Variants in SPATA16 observed in about 807,000 individuals in gnomAD.
SPATA16 encodes spermatogenesis associated 16, also known as spermatogenesis-associated protein 16.
Under a neutral mutation model 63.3 loss-of-function variants are expected in SPATA16, and 36 were observed. That is an observed-to-expected ratio of 0.57 (90% confidence interval 0.44 to 0.75). The LOEUF (loss-of-function observed/expected upper bound fraction) is 0.75. Among genes scored for constraint, SPATA16 ranks in the 30% least tolerant of loss-of-function variants. The probability of loss-of-function intolerance (pLI) is 0.00; values close to 1 mark genes in which losing one functional copy is unlikely to be tolerated. For missense variants in SPATA16, 646 were observed against 679.3 expected, an observed-to-expected ratio of 0.95 and a Z score of 0.54; for synonymous variants, 203 against 216.7, an observed-to-expected ratio of 0.94 and a Z score of 0.56.
chr3:172,984,125 T>TA (rs1428728716), intron 4 of SPATA16, among the ~76,000 whole-genome samples: 4 of 152,190 alleles, frequency 2.6e-5, no homozygotes, highest in African/African-American at 9.7e-5. Context: ...TTAAATGAAT[T>TA]AAAATTAAAA....
chr3:172,917,135 G>A (rs1473284278), intron 8 of SPATA16, among the ~76,000 whole-genome samples: 13 of 152,094 alleles, frequency 8.5e-5, no homozygotes, highest in Admixed American at 8.5e-4. Flanking sequence ...AACTCCCATG[G>A]CATTTTGGGC....
intron 4 of SPATA16, among the ~76,000 whole-genome samples, chr3:172,993,470 G>A (rs1225954468): frequency 6.6e-6 from 1 of 152,042 alleles, no homozygotes; most frequent in African/African-American, 2.4e-5. Context: ...GAGGGCCAAG[G>A]AAGAGTTTGT....
chr3:173,019,863 A>G (rs1240528253), intron 3 of SPATA16, among the ~76,000 whole-genome samples: 5 of 151,928 alleles, frequency 3.3e-5, no homozygotes, highest in Admixed American at 2.6e-4. Context: ...TATGTTACAT[A>G]TAAGACATGG....
At chr3:173,047,200 ATTAC>A (rs1355552178) in intron 3 of SPATA16, among the ~76,000 whole-genome samples, 2 of 147,188 alleles carry the variant, frequency 1.4e-5, no homozygotes, top group African/African-American at 2.5e-5. Context: ...TTTCGTTCTC[ATTAC>A]TTTTTTTTTT....
At chr3:172,996,290 G>T (rs967529476) in intron 4 of SPATA16, among the ~76,000 whole-genome samples, 1 of 151,924 alleles carries the variant, frequency 6.6e-6, no homozygotes, top group Non-Finnish European at 1.5e-5. Context: ...TGGCAAATAT[G>T]GCCAGTTGCC....
chr3:173,010,981 A>G (rs1193117941), intron 4 of SPATA16, among the ~76,000 whole-genome samples: 1 of 152,150 alleles, frequency 6.6e-6, no homozygotes, highest in African/African-American at 2.4e-5. Flanking sequence ...GACCAGATGG[A>G]TTCACACCCA....
At chr3:172,903,826 C>T (rs1210570853) in intron 10 of SPATA16, among the ~76,000 whole-genome samples, 2 of 152,158 alleles carry the variant, frequency 1.3e-5, no homozygotes, top group African/African-American at 2.4e-5. Flanking sequence ...GCAGTGTGGG[C>T]AAGTCGCCAG....
intron 3 of SPATA16, among the ~76,000 whole-genome samples, chr3:173,033,739 C>T (rs1341722144): frequency 6.6e-6 from 1 of 152,124 alleles, no homozygotes. Flanking sequence ...GAGTCTCACT[C>T]TGACACCCAG....
At chr3:172,954,269 A>G (rs559821830) in intron 6 of SPATA16, among the ~76,000 whole-genome samples, 1 of 152,320 alleles carries the variant, frequency 6.6e-6, no homozygotes, top group South Asian at 2.1e-4. Context: ...GGCAGCAGGC[A>G]GGAGAACTTG....
At chr3:173,062,907 T>C (rs989821543) in intron 2 of SPATA16, among the ~76,000 whole-genome samples, 1 of 152,198 alleles carries the variant, frequency 6.6e-6, no homozygotes, top group Middle Eastern at 3.2e-3. Context: ...ATAGGGTTTG[T>C]ACTCCTATGA....
intron 2 of SPATA16, among the ~76,000 whole-genome samples, chr3:173,067,359 C>T (rs1029826888): frequency 6.6e-6 from 1 of 152,162 alleles, no homozygotes; most frequent in African/African-American, 2.4e-5. Context: ...ACAAATACCA[C>T]ATATTCTCAT....
rs556042814 is a variant in SPATA16, at chr3:172,958,454, C to G, written c.934-1630G>C. ...TGGAACTGATCCTGGGATGGCCTGT[C>G]CAGACCATCAAGCGCGTGGTTGCAC... is the stretch of plus-strand genomic sequence containing the variant. On this transcript the variant is annotated intron_variant, in intron 5 of 10. Transcript: ENST00000351008. Among the ~76,000 whole-genome samples, 24 of 152,280 alleles carry G rather than the reference C, an allele frequency of 1.6e-4. No individual in the cohort carries two copies. The South Asian group carries it at 5.0e-3, about 32-fold the overall frequency.
At chr3:173,074,867 G>A (rs762782064) in intron 2 of SPATA16, among the ~76,000 whole-genome samples, 22 of 151,602 alleles carry the variant, frequency 1.5e-4, no homozygotes, top group South Asian at 4.2e-4. Context: ...GCATAGTGGC[G>A]TATGCCTGTA....
At chr3:172,929,743 G>A (rs555303354) in intron 6 of SPATA16, among the ~76,000 whole-genome samples, 6 of 152,256 alleles carry the variant, frequency 3.9e-5, no homozygotes, top group Admixed American at 2.6e-4. Context: ...AGCTACAGTC[G>A]CAGCTGGAAA....
chr3:172,917,207 C>G (rs1038009321), intron 8 of SPATA16, among the ~76,000 whole-genome samples: 3 of 152,148 alleles, frequency 2.0e-5, no homozygotes, highest in Admixed American at 2.0e-4. Context: ...TACTGCCATC[C>G]ACAAAAGAGG....
At chr3:172,923,114 T>A (rs1732651328) in intron 8 of SPATA16, among the ~76,000 whole-genome samples, 1 of 152,204 alleles carries the variant, frequency 6.6e-6, no homozygotes, top group Admixed American at 6.5e-5. Context: ...CTTTCCCTGC[T>A]TGCATGGGCC....
intron 4 of SPATA16, among the ~76,000 whole-genome samples, chr3:172,988,091 C>G (rs1484699311): frequency 1.3e-5 from 2 of 152,118 alleles, no homozygotes; most frequent in Non-Finnish European, 2.9e-5. Flanking sequence ...GTGAGGAAAA[C>G]AGTTATTAGC....
intron 2 of SPATA16, among the ~76,000 whole-genome samples, chr3:173,070,879 A>G (rs986766924): frequency 2.6e-5 from 4 of 152,362 alleles, no homozygotes; most frequent in African/African-American, 9.6e-5. Context: ...TAAAATGTCC[A>G]TACTACCCAA....
intron 2 of SPATA16, among the ~76,000 whole-genome samples, chr3:173,063,881 T>C (rs1736449344): frequency 6.6e-6 from 1 of 152,216 alleles, no homozygotes; most frequent in Non-Finnish European, 1.5e-5. Flanking sequence ...AATGAAATTT[T>C]ACAAAGTTTA....
Sources: allele counts gnomAD v4.1 joint callset (sites outside exome capture counted in the v4.1 genomes callset), GRCh38; gene constraint gnomAD v4.1.1; transcripts MANE v1.5; gene names NCBI Gene and HGNC (gene_info 2026-07-23, HGNC 2026-07-21).